Variants in CDKAL1 observed in about 807,000 individuals in gnomAD.
The protein encoded by CDKAL1 is CDKAL1 threonylcarbamoyladenosine tRNA methylthiotransferase, also known as threonylcarbamoyladenosine tRNA methylthiotransferase.
CDKAL1 carries 32 observed loss-of-function variants against 68.2 expected under a neutral mutation model. That is an observed-to-expected ratio of 0.47 (90% confidence interval 0.35 to 0.63). The LOEUF (loss-of-function observed/expected upper bound fraction) is 0.63, where lower values mean the gene tolerates loss of function less well. Ranked by LOEUF, CDKAL1 falls within the 30% of genes least tolerant of loss-of-function variation. The pLI, the probability that CDKAL1 is intolerant of heterozygous loss-of-function variation, is 0.00. For missense variants in CDKAL1, 606 were observed against 696.7 expected (o/e 0.87, Z 1.47); for synonymous variants, 234 against 244.3 (o/e 0.96, Z 0.39).
intron 13 of CDKAL1, among the ~76,000 whole-genome samples, chr6:21,162,940 A>T (rs1433273083): frequency 6.6e-6 from 1 of 152,042 alleles, no homozygotes; most frequent in East Asian, 1.9e-4. Context: ...ACTCATCTTG[A>T]TGGAAGAAAG....
At chr6:21,096,630 T>G (rs1363790123) in intron 12 of CDKAL1, among the ~76,000 whole-genome samples, 4 of 152,240 alleles carry the variant, frequency 2.6e-5, no homozygotes, top group African/African-American at 7.2e-5. Context: ...AACTTTTTGT[T>G]TAATTATATT....
chr6:20,818,432 A>C (rs1429057884), intron 8 of CDKAL1, among the ~76,000 whole-genome samples: 1 of 152,138 alleles, frequency 6.6e-6, no homozygotes, highest in African/African-American at 2.4e-5. Context: ...TCTTGAAGAA[A>C]AGTGCTAAGA....
chr6:20,957,165 A>G (rs947002111), intron 10 of CDKAL1, among the ~76,000 whole-genome samples: 7 of 152,158 alleles, frequency 4.6e-5, no homozygotes, highest in Non-Finnish European at 8.8e-5. Context: ...AAGGTTTATG[A>G]TAACAGCCAC....
chr6:20,770,162 C>T (rs72832333), intron 7 of CDKAL1, among the ~76,000 whole-genome samples: 17,309 of 151,684 alleles, frequency 0.11, 1,210 homozygotes, highest in East Asian at 0.34. Flanking sequence ...AATAAAGATA[C>T]GCTTAATTTT....
At chr6:21,093,364 C>T (rs1773143493) in intron 12 of CDKAL1, among the ~76,000 whole-genome samples, 2 of 152,106 alleles carry the variant, frequency 1.3e-5, no homozygotes, top group South Asian at 4.1e-4. Flanking sequence ...GAAGCCTTTC[C>T]AGAATTTTGG....
intron 8 of CDKAL1, among the ~76,000 whole-genome samples, chr6:20,829,774 A>C (rs1240717662): frequency 6.6e-6 from 1 of 152,252 alleles, no homozygotes; most frequent in Non-Finnish European, 1.5e-5. Flanking sequence ...ATGTGGGTCT[A>C]CAAACACTTT....
At chr6:20,592,401 T>C (rs953179160) in intron 4 of CDKAL1, among the ~76,000 whole-genome samples, 4 of 152,132 alleles carry the variant, frequency 2.6e-5, no homozygotes, top group African/African-American at 4.8e-5. Context: ...TATGTTACTA[T>C]GTTGAATAGG....
At chr6:20,798,884 C>T (rs1776229491) in intron 8 of CDKAL1, among the ~76,000 whole-genome samples, 1 of 140,854 alleles carries the variant, frequency 7.1e-6, no homozygotes, top group African/African-American at 2.7e-5. Flanking sequence ...ACACGTTGTG[C>T]ACGTGTACCC....
chr6:20,833,101 C>A (rs1777785382), intron 8 of CDKAL1, among the ~76,000 whole-genome samples: 1 of 152,126 alleles, frequency 6.6e-6, no homozygotes, highest in Non-Finnish European at 1.5e-5. Context: ...TGGCTTAGGT[C>A]TGAGTTCCTG....
rs779621179 is a variant in CDKAL1, at chr6:21,108,386, TG to T, written c.1237-14del. On this transcript the variant is annotated splice_polypyrimidine_tract_variant and intron_variant, in intron 12 of 15. Coordinates refer to ENST00000274695, the MANE Select transcript of CDKAL1 (RefSeq NM_017774.3). ...TTGTATGTTGGTTTTTTGTTTTTTT[TG>T]TTTTTTTTCACAGAAAAAGCAAAGG... 2.3e-5 allele frequency: 36 copies of T among 1,596,184 alleles called. No homozygotes were observed. Among genetic ancestry groups the T allele is most frequent in the Admixed American group, 5.2e-5 (3 of 58,140 alleles).
chr6:20,665,017 C>A (rs1769461980), intron 5 of CDKAL1, among the ~76,000 whole-genome samples: 1 of 151,996 alleles, frequency 6.6e-6, no homozygotes, highest in Non-Finnish European at 1.5e-5. Flanking sequence ...GAGGGGAGCA[C>A]ATATGCAGCT....
chr6:20,574,909 T>A (rs894342357), intron 4 of CDKAL1, among the ~76,000 whole-genome samples: 6 of 152,150 alleles, frequency 3.9e-5, no homozygotes, highest in African/African-American at 1.4e-4. Flanking sequence ...GATTCCAGAT[T>A]TAGTTCAGTT....
intron 9 of CDKAL1, among the ~76,000 whole-genome samples, chr6:20,948,227 G>A (rs1581893298): frequency 6.6e-6 from 1 of 151,814 alleles, no homozygotes; most frequent in East Asian, 1.9e-4. Flanking sequence ...CTGTTGCCCA[G>A]GCTGGTCTTG....
intron 4 of CDKAL1, among the ~76,000 whole-genome samples, chr6:20,645,888 C>T (rs1768430593): frequency 2.0e-5 from 3 of 151,550 alleles, no homozygotes; most frequent in South Asian, 2.1e-4. Context: ...AGGGCAGGAT[C>T]ATCAATATTA....
intron 11 of CDKAL1, among the ~76,000 whole-genome samples, chr6:21,036,507 C>T (rs747501379): frequency 5.3e-5 from 8 of 152,182 alleles, no homozygotes; most frequent in Non-Finnish European, 8.8e-5. Context: ...ACTGTTGATA[C>T]TACTGGCTCA....
chr6:20,691,762 G>C (rs1010848937), intron 5 of CDKAL1, among the ~76,000 whole-genome samples: 12 of 152,072 alleles, frequency 7.9e-5, no homozygotes, highest in Admixed American at 7.2e-4. Context: ...TTTTCTTGTA[G>C]TTGTCTCCAT....
chr6:20,571,707 T>C (rs1764708754), intron 4 of CDKAL1, among the ~76,000 whole-genome samples: 1 of 151,882 alleles, frequency 6.6e-6, no homozygotes, highest in Non-Finnish European at 1.5e-5. Flanking sequence ...TAGACTGAGC[T>C]AGAGAGTAAT....
At chr6:21,013,824 G>A (rs968242076) in intron 11 of CDKAL1, among the ~76,000 whole-genome samples, 6 of 151,990 alleles carry the variant, frequency 3.9e-5, no homozygotes, top group African/African-American at 1.2e-4. Flanking sequence ...GATTGGTTTG[G>A]GCTGTCAATG....
At chr6:21,137,025 C>A (rs1428340332) in intron 13 of CDKAL1, among the ~76,000 whole-genome samples, 2 of 152,110 alleles carry the variant, frequency 1.3e-5, no homozygotes, top group Middle Eastern at 3.2e-3. Context: ...ATCCCCTCGC[C>A]CCCACCCCTT....
Sources: gnomAD v4.1 joint callset for allele counts (sites outside exome capture counted in the v4.1 genomes callset) on GRCh38, gnomAD v4.1.1 for gene constraint, MANE v1.5 for transcripts, NCBI Gene and HGNC (gene_info 2026-07-23, HGNC 2026-07-21) for gene names.